Variants in ZNF536 observed in about 807,000 individuals in gnomAD.
The protein encoded by ZNF536 is zinc finger protein 536.
In ZNF536, 13 loss-of-function variants were observed where a neutral mutation model predicts 84.5. The observed-to-expected ratio is 0.15, with a 90% CI of 0.10 to 0.24. The LOEUF (loss-of-function observed/expected upper bound fraction) is 0.24, where lower values mean the gene tolerates loss of function less well. ZNF536 is among the 10% of genes least tolerant of loss of function. The pLI, the probability that ZNF536 is intolerant of heterozygous loss-of-function variation, is 1.00. For synonymous variants in ZNF536, 811 were observed against 742.5 expected, an observed-to-expected ratio of 1.09 and a Z score of -1.50; for missense variants, 1,536 against 1,747.5, an observed-to-expected ratio of 0.88 and a Z score of 2.16.
At chr19:30,606,229 T>TAATAAAATAAAATAA (rs368491547) in intron 1 of ZNF536, among the ~76,000 whole-genome samples, 2 of 94,166 alleles carry the variant, frequency 2.1e-5, no homozygotes, top group Non-Finnish European at 4.1e-5. Context: ...TAAAATAAAA[T>TAATAAAATAAAATAA]AATAAAATAA....
intron 1 of ZNF536, among the ~76,000 whole-genome samples, chr19:30,627,130 T>C (rs1194813076): frequency 6.6e-6 from 1 of 151,720 alleles, no homozygotes; most frequent in Non-Finnish European, 1.5e-5. Flanking sequence ...TCCCTGTGGG[T>C]CTGTTTCTGG....
chr19:30,643,032 G>A (rs748262247), intron 1 of ZNF536, among the ~76,000 whole-genome samples: 41 of 152,206 alleles, frequency 2.7e-4, no homozygotes, highest in Non-Finnish European at 2.5e-4. Flanking sequence ...GTTATGACCC[G>A]TCTTGAAGTA....
chr19:30,289,943 G>A (rs182587098), intron 2 of ZNF536, among the ~76,000 whole-genome samples: 2 of 152,246 alleles, frequency 1.3e-5, no homozygotes, highest in Non-Finnish European at 2.9e-5. Context: ...GCATTAAATA[G>A]TTACATCACT....
chr19:30,698,481 G>A (rs2051759564), intron 1 of ZNF536, among the ~76,000 whole-genome samples: 1 of 152,238 alleles, frequency 6.6e-6, no homozygotes, highest in African/African-American at 2.4e-5. Context: ...CCGATGTCCT[G>A]TTCTGCTCCA....
At position 30,326,834 on chromosome 19, in the gene ZNF536, G is replaced by A. The variant is rs186836676; in HGVS notation, c.-119-25534G>A. On this transcript the variant is annotated intron_variant, in intron 2 of 5. Transcript: ENST00000585628. ...TTTTTTTTTTGTTTTCTAGTTGGGC[G>A]CAGTAGCCCATGCCTGTAATCCCAG... 5.5e-3 allele frequency among the ~76,000 whole-genome samples: 362 copies of A among 66,100 alleles called. 4 individuals carry two copies. The highest frequency in any genetic ancestry group is 0.011 in the Admixed American group (46 of 4,206). The allele number at this position is 66,100 out of a possible 152,430, so 43.4% of individuals were successfully genotyped here.
intron 2 of ZNF536, among the ~76,000 whole-genome samples, chr19:30,508,145 C>A (rs1019905699): frequency 1.2e-4 from 19 of 152,174 alleles, no homozygotes; most frequent in Non-Finnish European, 1.5e-5. Context: ...GCTGTCGGCT[C>A]CCCCTGCCTC....
intron 2 of ZNF536, among the ~76,000 whole-genome samples, chr19:30,526,306 G>C (rs2044572589): frequency 1.3e-5 from 2 of 152,268 alleles, no homozygotes; most frequent in African/African-American, 4.8e-5. Context: ...GCCTTGGCAA[G>C]ATGTGGCGGT....
At chr19:30,469,268 G>T (rs1294693171) in intron 2 of ZNF536, among the ~76,000 whole-genome samples, 1 of 152,128 alleles carries the variant, frequency 6.6e-6, no homozygotes, top group Non-Finnish European at 1.5e-5. Context: ...CAAAAAATTA[G>T]CCGGGCGTGG....
At chr19:30,608,464 C>T (rs1319557407) in intron 1 of ZNF536, among the ~76,000 whole-genome samples, 1 of 152,120 alleles carries the variant, frequency 6.6e-6, no homozygotes, top group Non-Finnish European at 1.5e-5. Flanking sequence ...GCTTTCTGGA[C>T]ACGAATCCAC....
intron 3 of ZNF536, among the ~76,000 whole-genome samples, chr19:30,545,385 CTTTTTTTTTTT>C (rs772761287): frequency 3.5e-4 from 24 of 67,674 alleles, no homozygotes; most frequent in African/African-American, 1.3e-3. Flanking sequence ...TCCCATATGT[CTTTTTTTTTTT>C]TTTTTTTTTT....
intron 2 of ZNF536, among the ~76,000 whole-genome samples, chr19:30,334,752 G>A (rs180720100): frequency 1.3e-5 from 2 of 152,254 alleles, no homozygotes; most frequent in Non-Finnish European, 2.9e-5. Flanking sequence ...AACCATTTTG[G>A]CACCGGGGAT....
At chr19:30,604,223 T>TA (rs1049201962) in intron 1 of ZNF536, among the ~76,000 whole-genome samples, 1 of 152,316 alleles carries the variant, frequency 6.6e-6, no homozygotes, top group Non-Finnish European at 1.5e-5. Context: ...GCTAAAACAA[T>TA]AAAATACATT....
chr19:30,518,715 T>C (rs2044193564), intron 2 of ZNF536, among the ~76,000 whole-genome samples: 1 of 152,210 alleles, frequency 6.6e-6, no homozygotes, highest in Non-Finnish European at 1.5e-5. Flanking sequence ...TGTTGCCTTT[T>C]ATTCAGTAAG....
At chr19:30,606,286 TAAAATA>T (rs1568597210) in intron 1 of ZNF536, among the ~76,000 whole-genome samples, 1 of 50,142 alleles carries the variant, frequency 2.0e-5, no homozygotes, top group Non-Finnish European at 3.9e-5. Flanking sequence ...TAAAATAAAA[TAAAATA>T]AATAAAATAA....
At chr19:30,644,051 C>G (rs930167304) in intron 1 of ZNF536, among the ~76,000 whole-genome samples, 4 of 152,144 alleles carry the variant, frequency 2.6e-5, no homozygotes, top group Non-Finnish European at 4.4e-5. Flanking sequence ...GCTTCAGAGA[C>G]AAGTGTTTAA....
At chr19:30,413,256 T>A (rs573315895) in intron 1 of ZNF536, among the ~76,000 whole-genome samples, 1 of 152,296 alleles carries the variant, frequency 6.6e-6, no homozygotes, top group African/African-American at 2.4e-5. Flanking sequence ...CTTCTTACTT[T>A]CATCAGGTGT....
chr19:30,555,143 G>A (rs551133401), intron 4 of ZNF536: 9 of 152,374 alleles, frequency 5.9e-5, no homozygotes, highest in Admixed American at 3.3e-4. Flanking sequence ...AAGAGGAAGC[G>A]GGCAGTGGCT....
At chr19:30,271,371 T>A (rs1015995297) in intron 1 of ZNF536, among the ~76,000 whole-genome samples, 5 of 151,198 alleles carry the variant, frequency 3.3e-5, no homozygotes, top group African/African-American at 4.9e-5. Context: ...AGTTACTATT[T>A]CTTCTTGTTG....
chr19:30,547,344 G>T (rs1167658170), intron 3 of ZNF536, among the ~76,000 whole-genome samples: 3 of 152,146 alleles, frequency 2.0e-5, no homozygotes, highest in Admixed American at 2.0e-4. Flanking sequence ...TAGAAACAGT[G>T]CAGTAGGTCT....
Sources: gnomAD v4.1 joint callset for allele counts (sites outside exome capture counted in the v4.1 genomes callset) on GRCh38, gnomAD v4.1.1 for gene constraint, MANE v1.5 for transcripts, NCBI Gene and HGNC (gene_info 2026-07-23, HGNC 2026-07-21) for gene names.